LINGO2: variants seen among roughly 807,000 people sequenced by gnomAD.
LINGO2 encodes the protein leucine rich repeat and Ig domain containing 2, also known as leucine-rich repeat and immunoglobulin-like domain-containing nogo receptor-interacting protein 2.
Under a neutral mutation model 30.6 loss-of-function variants are expected in LINGO2, and 14 were observed. That is an observed-to-expected ratio of 0.46 (90% CI 0.30 to 0.72). The LOEUF (loss-of-function observed/expected upper bound fraction) is 0.72, where lower values mean the gene tolerates loss of function less well. LINGO2 is among the 30% of genes least tolerant of loss of function. The pLI is 0.07. For missense variants in LINGO2, 729 were observed against 751.7 expected, an observed-to-expected ratio of 0.97 and a Z score of 0.35; for synonymous variants, 317 against 288.5, an observed-to-expected ratio of 1.10 and a Z score of -1.00.
the LINGO2 span, among the ~76,000 whole-genome samples, chr9:28,928,955 G>A: frequency 2.0e-5 from 3 of 152,138 alleles, no homozygotes; most frequent in African/African-American, 7.2e-5. Flanking sequence ...ATGTGAATAG[G>A]TCAGTGCAGT....
At chr9:28,769,058 C>T in the LINGO2 span, among the ~76,000 whole-genome samples, 10,677 of 151,976 alleles carry the variant, frequency 0.07, 1,250 homozygotes, top group African/African-American at 0.24. Flanking sequence ...AATACTATCA[C>T]TATAAATTAA....
chr9:28,452,832 A>C (rs1824701079), intron 2 of LINGO2, among the ~76,000 whole-genome samples: 1 of 151,856 alleles, frequency 6.6e-6, no homozygotes, highest in Admixed American at 6.6e-5. Context: ...GGTGTGGAAA[A>C]AGTGAAATGT....
At chr9:28,548,224 C>G (rs1028856558) in intron 1 of LINGO2, among the ~76,000 whole-genome samples, 3 of 152,024 alleles carry the variant, frequency 2.0e-5, no homozygotes, top group Non-Finnish European at 4.4e-5. Context: ...TTTGATCAGC[C>G]AAATGCATCT....
At chr9:28,945,860 G>A in the LINGO2 span, among the ~76,000 whole-genome samples, 1 of 152,114 alleles carries the variant, frequency 6.6e-6, no homozygotes, top group Non-Finnish European at 1.5e-5. Context: ...GGTAATAAAT[G>A]AATAAAATGC....
the LINGO2 span, among the ~76,000 whole-genome samples, chr9:29,189,088 G>T: frequency 1.2e-5 from 1 of 81,180 alleles, no homozygotes; most frequent in South Asian, 3.4e-4. Flanking sequence ...CCCGGACGGG[G>T]CGGCTGGCCG....
rs573305283 is a variant in LINGO2 at position 28,504,598 on chromosome 9, T to G, written c.-364-28573A>C. Reference sequence around the variant, plus strand: ...TGTTCTTTAACTGCTAGATTTTTTTTCATTACATTTTAATGCATTAGCTTC... The same window carrying G: ...TGTTCTTTAACTGCTAGATTTTTTTGCATTACATTTTAATGCATTAGCTTC... On this transcript the variant is annotated intron_variant, in intron 1 of 5. Coordinates refer to ENST00000379992, the Ensembl canonical transcript of LINGO2. Among the ~76,000 whole-genome samples, 22 of 151,890 alleles carry G rather than the reference T, an allele frequency of 1.4e-4. No individual in the cohort carries two copies. The East Asian group carries it at 3.5e-3, about 24-fold the overall frequency.
the LINGO2 span, among the ~76,000 whole-genome samples, chr9:28,942,202 C>G: frequency 6.6e-6 from 1 of 152,176 alleles, no homozygotes; most frequent in East Asian, 1.9e-4. Context: ...CATTTGGACT[C>G]TTTTAGGAAA....
intron 3 of LINGO2, among the ~76,000 whole-genome samples, chr9:28,325,680 C>G (rs1194790618): frequency 1.3e-5 from 2 of 152,162 alleles, no homozygotes; most frequent in Non-Finnish European, 2.9e-5. Context: ...TTGCCTTCTG[C>G]CATGATTGTG....
chr9:28,006,118 C>T (rs1479476308), intron 5 of LINGO2, among the ~76,000 whole-genome samples: 2 of 151,904 alleles, frequency 1.3e-5, no homozygotes, highest in Non-Finnish European at 2.9e-5. Context: ...GAGAGCTTTG[C>T]TACCCATGCA....
At chr9:28,094,887 C>A (rs570478547) in intron 4 of LINGO2, among the ~76,000 whole-genome samples, 2 of 152,106 alleles carry the variant, frequency 1.3e-5, no homozygotes, top group East Asian at 3.9e-4. Context: ...TGCTTAGAAG[C>A]ATAATGCACT....
chr9:28,457,890 A>C (rs570046419), intron 2 of LINGO2, among the ~76,000 whole-genome samples: 7 of 152,244 alleles, frequency 4.6e-5, no homozygotes, highest in Non-Finnish European at 7.4e-5. Context: ...GGGAGGCATA[A>C]ATTTTCATTA....
intron 1 of LINGO2, among the ~76,000 whole-genome samples, chr9:28,486,391 C>T (rs1826164383): frequency 1.3e-5 from 2 of 152,026 alleles, no homozygotes; most frequent in Non-Finnish European, 2.9e-5. Flanking sequence ...TAAGTAAATA[C>T]TAAGTAATTG....
intron 4 of LINGO2, among the ~76,000 whole-genome samples, chr9:28,098,648 G>C (rs555974206): frequency 6.6e-6 from 1 of 152,228 alleles, no homozygotes; most frequent in Non-Finnish European, 1.5e-5. Context: ...ACTGGCCAAG[G>C]CACATGTGAA....
At chr9:28,001,258 C>CT (rs1821936594) in intron 5 of LINGO2, among the ~76,000 whole-genome samples, 1 of 152,204 alleles carries the variant, frequency 6.6e-6, no homozygotes, top group Non-Finnish European at 1.5e-5. Flanking sequence ...TCCCTTGCCC[C>CT]TCTTCCACAT....
intron 1 of LINGO2, among the ~76,000 whole-genome samples, chr9:28,499,392 A>G (rs2135307953): frequency 6.6e-6 from 1 of 152,344 alleles, no homozygotes; most frequent in South Asian, 2.1e-4. Flanking sequence ...TCATAGTTCC[A>G]GGAGCCTGTT....
intron 4 of LINGO2, among the ~76,000 whole-genome samples, chr9:28,189,364 G>GAA (rs1819684075): frequency 6.3e-5 from 4 of 63,652 alleles, no homozygotes; most frequent in Non-Finnish European, 9.7e-5. Flanking sequence ...AGGGAGGGAG[G>GAA]GAGGAAGGGA....
At chr9:28,760,966 A>ACACATACACACACC in the LINGO2 span, among the ~76,000 whole-genome samples, 1 of 151,096 alleles carries the variant, frequency 6.6e-6, no homozygotes, top group African/African-American at 2.4e-5. Context: ...ATACACACAC[A>ACACATACACACACC]CACACACCCC....
chr9:28,388,948 T>A (rs759830838), intron 2 of LINGO2, among the ~76,000 whole-genome samples: 1 of 152,172 alleles, frequency 6.6e-6, no homozygotes, highest in Non-Finnish European at 1.5e-5. Context: ...GAATTCAGGA[T>A]GCAAACCATA....
chr9:28,576,332 T>C (rs1823988809), intron 1 of LINGO2, among the ~76,000 whole-genome samples: 1 of 152,234 alleles, frequency 6.6e-6, no homozygotes, highest in Non-Finnish European at 1.5e-5. Flanking sequence ...TAGTTTCTGC[T>C]AAATGCATTA....
Sources: gnomAD v4.1 joint callset for allele counts (sites outside exome capture counted in the v4.1 genomes callset) on GRCh38, gnomAD v4.1.1 for gene constraint, MANE v1.5 for transcripts, NCBI Gene and HGNC (gene_info 2026-07-23, HGNC 2026-07-21) for gene names.